The following DNAAF9 variants were observed in gnomAD, a reference collection of about 807,000 sequenced individuals.
The protein encoded by DNAAF9 is dynein axonemal assembly factor 9.
In DNAAF9, 90 loss-of-function variants were observed where a neutral mutation model predicts 167.0. The ratio of observed to expected loss-of-function variants is 0.54; its 90% CI spans 0.45 to 0.64. DNAAF9 has a LOEUF of 0.64. Among genes scored for constraint, DNAAF9 ranks in the 30% least tolerant of loss-of-function variants. DNAAF9 has a pLI of 0.00. For synonymous variants in DNAAF9, 491 were observed against 508.8 expected, an observed-to-expected ratio of 0.96 and a Z score of 0.47; for missense variants, 1,315 against 1,442.2, an observed-to-expected ratio of 0.91 and a Z score of 1.43.
At chr20:3,306,963 C>A (rs1435867248) in intron 20 of DNAAF9, 6 of 985,160 alleles carry the variant, frequency 6.1e-6, no homozygotes, top group Non-Finnish European at 7.2e-6. Context: ...TACCTGCACC[C>A]TTCCCTGTCC....
At chr20:3,333,990 G>C (rs1371598044) in intron 10 of DNAAF9, among the ~76,000 whole-genome samples, 2 of 152,128 alleles carry the variant, frequency 1.3e-5, no homozygotes, top group African/African-American at 2.4e-5. Flanking sequence ...TTTAAGTCAG[G>C]CTGAATCAAT....
chr20:3,368,347 G>GA (rs1009440078), intron 6 of DNAAF9, among the ~76,000 whole-genome samples: 3 of 152,108 alleles, frequency 2.0e-5, no homozygotes, highest in African/African-American at 7.2e-5. Context: ...GTCTCTCAGG[G>GA]AATCAGGATT....
chr20:3,278,381 A>C (rs2068707148), intron 29 of DNAAF9, among the ~76,000 whole-genome samples: 1 of 152,210 alleles, frequency 6.6e-6, no homozygotes, highest in Non-Finnish European at 1.5e-5. Flanking sequence ...GGTGGACTTA[A>C]GCCCAGCTCA....
At chr20:3,356,908 A>G (rs1004092746) in intron 7 of DNAAF9, among the ~76,000 whole-genome samples, 23 of 151,722 alleles carry the variant, frequency 1.5e-4, no homozygotes, top group African/African-American at 4.8e-4. Flanking sequence ...GCATGAAGGG[A>G]AAAAAAAAGG....
At chr20:3,391,316 TA>T (rs554507089) in intron 1 of DNAAF9, among the ~76,000 whole-genome samples, 3 of 151,748 alleles carry the variant, frequency 2.0e-5, no homozygotes, top group Admixed American at 6.6e-5. Context: ...ACCTTTTAAT[TA>T]AAAAAAAGAA....
chr20:3,302,413 T>C (rs141634176), intron 21 of DNAAF9, among the ~76,000 whole-genome samples: 89 of 152,322 alleles, frequency 5.8e-4, no homozygotes, highest in African/African-American at 2.1e-3. Flanking sequence ...TATTGTGAGA[T>C]CTGAACACCT....
In DNAAF9 at chr20:3,316,743, G is replaced by A; in HGVS notation, c.1519C>T (p.Pro507Ser). Residue 507 changes from proline to serine, a missense_variant, in exon 18 of 37, where the codon CCC (proline) becomes TCC (serine). Coordinates refer to ENST00000252032, the MANE Select transcript of DNAAF9 (RefSeq NM_001009984.3). Reference sequence around the variant, plus strand: ...CTAACCAGCCAGGAGCAGAATCTGGGTACAGCAGCAGTCAGGACTACGGAG... The same window carrying A: ...CTAACCAGCCAGGAGCAGAATCTGGATACAGCAGCAGTCAGGACTACGGAG... Reference protein sequence around the residue: ...TSSVVLTAAVPRFCSWLVEDN... With the variant: ...TSSVVLTAAVSRFCSWLVEDN... The A allele has an allele frequency of 6.2e-7, 1 of 1,613,510 alleles. No homozygotes were observed. Among genetic ancestry groups the A allele is most frequent in the Non-Finnish European group, 8.5e-7 (1 of 1,179,514 alleles).
chr20:3,298,265 CAGTACAA>C, intron 21 of DNAAF9, 90 bp from the exon 22 acceptor site: 1 of 1,031,956 alleles, frequency 9.7e-7, no homozygotes, highest in East Asian at 2.4e-5. Flanking sequence ...GGATCAATTT[CAGTACAA>C]TTATTGTCAC....
intron 7 of DNAAF9, among the ~76,000 whole-genome samples, chr20:3,352,375 A>T (rs533257023): frequency 6.6e-6 from 1 of 152,080 alleles, no homozygotes; most frequent in South Asian, 2.1e-4. Flanking sequence ...CAATCTTTCC[A>T]CTTTGGCACT....
At chr20:3,403,664 G>A (rs1034649256) in intron 1 of DNAAF9, among the ~76,000 whole-genome samples, 6 of 151,422 alleles carry the variant, frequency 4.0e-5, no homozygotes, top group Admixed American at 2.0e-4. Flanking sequence ...TATAATATCT[G>A]CCCATATAAA....
chr20:3,407,481 GA>G lies in DNAAF9; in HGVS notation c.76del (p.Ser26ProfsTer14). The G allele has an allele frequency of 7.6e-7, 1 of 1,308,774 alleles. No homozygotes were observed. The allele number at this position is 1,308,774 out of a possible 1,614,324, so 81.1% of individuals were successfully genotyped here. On this transcript the variant is annotated frameshift_variant, in exon 1 of 37. Transcript: ENST00000252032. LOFTEE classifies it high-confidence loss of function. ...SPGGSSRGSPSVSCSRLRQVQ... is the reference protein window; with the variant it reads ...SPGGSSRGSPXVSCSRLRQVQ... ...CTGCCTCTGCCCCGCGTACCTGACG[GA>G]GGGTGACCCGCGGCTGGAGCCGCCA...
chr20:3,365,450 G>A (rs1160039437), intron 6 of DNAAF9, among the ~76,000 whole-genome samples: 1 of 151,910 alleles, frequency 6.6e-6, no homozygotes. Flanking sequence ...GGGGAGCAGT[G>A]GCGTGATCTC....
chr20:3,311,984 T>C (rs973706045), intron 20 of DNAAF9, among the ~76,000 whole-genome samples: 3 of 118,348 alleles, frequency 2.5e-5, no homozygotes, highest in African/African-American at 8.9e-5. Flanking sequence ...ATTCTCTTTT[T>C]TCTTTTTTTT....
Position 3,264,507 on chromosome 20 carries a change from A to G in DNAAF9, c.2804T>C (p.Leu935Pro). 1 of 1,525,728 alleles carries G rather than the reference A, an allele frequency of 6.6e-7. No homozygotes were observed. Among genetic ancestry groups the G allele is most frequent in the Non-Finnish European group, 9.1e-7 (1 of 1,099,488 alleles). The allele number at this position is 1,525,728 out of a possible 1,614,324, so 94.5% of individuals were successfully genotyped here. The change falls in exon 31 of 37, where the codon CTG becomes CCG. Residue 935 changes from leucine (L) to proline (P), a missense_variant. Physicochemically the swap from Leu to Pro is moderately conservative, Grantham distance 98. Around this residue, in one of 2 missense-constraint regions of DNAAF9, gnomAD observed 334 missense variants for 429.7 expected, o/e 0.78. Transcript: ENST00000252032. ...GIVTRNEDIE[L>P]ILSENSFSSP... ...TGAAAAACTGTTTTCTGAGAGAATC[A>G]GCTCAATGTCTTCATTCCTTTGAAA...
chr20:3,306,893 AG>A (rs1296043760), intron 20 of DNAAF9: 2 of 984,942 alleles, frequency 2.0e-6, no homozygotes, highest in African/African-American at 3.5e-5. Flanking sequence ...CTGTTTCCAG[AG>A]ATAAGAGGGC....
At chr20:3,334,264 C>T (rs1029080666) in intron 10 of DNAAF9, among the ~76,000 whole-genome samples, 2 of 152,224 alleles carry the variant, frequency 1.3e-5, no homozygotes, top group African/African-American at 4.8e-5. Context: ...GCCTCAGCTC[C>T]ACTGGGGTGT....
chr20:3,358,414 G>C (rs1217434628), intron 7 of DNAAF9, among the ~76,000 whole-genome samples: 15 of 152,050 alleles, frequency 9.9e-5, no homozygotes, highest in Admixed American at 9.8e-4. Context: ...CTTCTGAGTA[G>C]CTGGGATTAC....
chr20:3,299,070 G>A (rs955437216), intron 21 of DNAAF9, among the ~76,000 whole-genome samples: 9 of 150,236 alleles, frequency 6.0e-5, no homozygotes, highest in East Asian at 2.0e-4. Context: ...CACCATGCCC[G>A]GCTAATGCTT....
At chr20:3,284,303 C>G (rs2068814073) in intron 27 of DNAAF9, among the ~76,000 whole-genome samples, 1 of 151,620 alleles carries the variant, frequency 6.6e-6, no homozygotes. Flanking sequence ...GCCTCAGCCT[C>G]CTGAGTAGCT....
Sources: allele counts gnomAD v4.1 joint callset (sites outside exome capture counted in the v4.1 genomes callset), GRCh38; gene constraint gnomAD v4.1.1; regional missense constraint gnomAD v4.1.1; transcripts MANE v1.5; gene names NCBI Gene and HGNC (gene_info 2026-07-23, HGNC 2026-07-21).